The following TRAPPC13 variants were observed in gnomAD, a reference collection of about 807,000 sequenced individuals.
The protein encoded by TRAPPC13 is trafficking protein particle complex subunit 13.
In TRAPPC13, 39 loss-of-function variants were observed where a neutral mutation model predicts 54.0. That is an observed-to-expected ratio of 0.72 (90% CI 0.56 to 0.94). The LOEUF is 0.94. Among genes scored for constraint, TRAPPC13 ranks in the 40% least tolerant of loss-of-function variants. The pLI, the probability that TRAPPC13 is intolerant of heterozygous loss-of-function variation, is 0.00. For missense variants in TRAPPC13, 386 were observed against 488.1 expected, an observed-to-expected ratio of 0.79 and a Z score of 1.97; for synonymous variants, 148 against 167.7, an observed-to-expected ratio of 0.88 and a Z score of 0.91.
At chr5:65,652,646 C>A (rs776967299) in intron 7 of TRAPPC13, 101 bp downstream of exon 7, 1 of 848,612 alleles carries the variant, frequency 1.2e-6, no homozygotes, top group Non-Finnish European at 2.1e-6. Flanking sequence ...AAATCGCCAA[C>A]GTGACTGTAA....
intron 4 of TRAPPC13, among the ~76,000 whole-genome samples, chr5:65,643,741 C>T (rs376515845): frequency 2.0e-5 from 3 of 147,774 alleles, no homozygotes; most frequent in Non-Finnish European, 3.0e-5. Flanking sequence ...GGCGTGAACC[C>T]GGGAGGCAGA....
At position 65,635,455 on chromosome 5, in the gene TRAPPC13, G is replaced by A. The variant is rs1490966621; in HGVS notation, c.115+86G>A. On this transcript the variant is annotated intron_variant, in intron 2 of 12. Coordinates refer to ENST00000399438, the MANE Select transcript of TRAPPC13 (RefSeq NM_024941.4). ...ATTACCTTGGACTAAGCCTAGCCCT[G>A]TAAATTTTATGCTAACCATTTGCTG... The A allele has an allele frequency of 4.6e-6, 5 of 1,078,316 alleles. No individual in the cohort carries two copies. The Admixed American group carries it at 1.1e-4, about 24-fold the overall frequency. 66.8% of individuals were successfully genotyped at this position (1,078,316 alleles called of 1,614,324 possible). A position where few individuals can be genotyped will look rare whatever the true frequency, so the allele number is the denominator to read the frequency against.
chr5:65,630,323 G>A (rs1755479185), intron 1 of TRAPPC13: 1 of 1,515,140 alleles, frequency 6.6e-7, no homozygotes, highest in Admixed American at 2.0e-5. Flanking sequence ...TAAATATGGT[G>A]TTATTTTTAG....
At position 65,665,252 on chromosome 5, in the gene TRAPPC13, T is replaced by TAGA. The variant is rs1756999499; in HGVS notation, c.*645_*647dup. ...AGGGTATAGTTGGCTGACCTCAATC[T>TAGA]AGAAGATAGAGTTGTTTCTTAGAAC... is the stretch of plus-strand genomic sequence containing the variant. On this transcript the variant is annotated 3_prime_UTR_variant, in exon 13 of 13. Transcript: ENST00000399438. 6.6e-6 allele frequency: 1 copy of TAGA among 152,196 alleles called. No homozygotes were observed. Among genetic ancestry groups the TAGA allele is most frequent in the Non-Finnish European group, 1.5e-5 (1 of 68,034 alleles). 9.4% of individuals were successfully genotyped at this position (152,196 alleles called of 1,614,324 possible).
chr5:65,635,408 G>A, intron 2 of TRAPPC13, 39 bp downstream of exon 2: 1 of 1,547,438 alleles, frequency 6.5e-7, no homozygotes, highest in Non-Finnish European at 8.9e-7. Flanking sequence ...CCTAGGGAAA[G>A]GTTGAAACCT....
chr5:65,653,735 C>T (rs1756556962), intron 7 of TRAPPC13, among the ~76,000 whole-genome samples: 1 of 152,098 alleles, frequency 6.6e-6, no homozygotes, highest in Admixed American at 6.5e-5. Context: ...CATGAAGTAT[C>T]AAGTACATAG....
chr5:65,630,380 A>G, intron 1 of TRAPPC13: 6 of 1,440,754 alleles, frequency 4.2e-6, no homozygotes, highest in Non-Finnish European at 5.4e-6. Context: ...TCTGAATGAA[A>G]TGAATATGGA....
intron 7 of TRAPPC13, 58 bp from the exon 8 acceptor site, chr5:65,655,578 T>TG: frequency 1.7e-6 from 1 of 604,084 alleles, no homozygotes; most frequent in Non-Finnish European, 2.4e-6. Flanking sequence ...AAGTAATTCT[T>TG]TTTTCTTTAA....
At chr5:65,635,884 T>C in intron 2 of TRAPPC13, 60 bp from the exon 3 acceptor site, 1 of 1,033,464 alleles carries the variant, frequency 9.7e-7, no homozygotes, top group Non-Finnish European at 1.4e-6. Flanking sequence ...TATTTCTTTA[T>C]ATAAGTAAAA....
In TRAPPC13 at chr5:65,625,099, G is replaced by A; in HGVS notation, c.39G>A (p.Ala13=). The A allele has an allele frequency of 1.2e-6, 2 of 1,613,486 alleles. No homozygotes were observed. Among genetic ancestry groups the A allele is most frequent in the Non-Finnish European group, 1.7e-6 (2 of 1,179,496 alleles). Residue 13 remains alanine, a synonymous_variant, in exon 1 of 13, where the codon GCG becomes GCA. Coordinates refer to ENST00000399438, the MANE Select transcript of TRAPPC13 (RefSeq NM_024941.4). ...VNPPKQEHLL[A]LKVMRLTKPT... Reference sequence around the variant, plus strand: ...CCCCTAAACAGGAGCACCTGCTGGCGCTAAAAGGTAAACTTTTGCGAACCT... The same window carrying A: ...CCCCTAAACAGGAGCACCTGCTGGCACTAAAAGGTAAACTTTTGCGAACCT...
In TRAPPC13 at chr5:65,643,635, G is replaced by A. The variant is rs1020279509; in HGVS notation, c.301-3420G>A. Among the ~76,000 whole-genome samples the A allele has an allele frequency of 4.6e-5, 7 of 151,792 alleles. No individual in the cohort carries two copies. In the East Asian group the frequency reaches 5.8e-4, roughly 13 times the overall value. On this transcript the variant is annotated intron_variant, in intron 4 of 12. Coordinates refer to ENST00000399438, the MANE Select transcript of TRAPPC13 (RefSeq NM_024941.4). ...AGATCAAGACCATCCTGGCTAACACGGTGAAACCCTGTGTCTACTAAAAAT... is the reference window on the plus strand; with the variant it reads ...AGATCAAGACCATCCTGGCTAACACAGTGAAACCCTGTGTCTACTAAAAAT...
Position 65,666,114 on chromosome 5 carries a change from A to C in TRAPPC13, c.*1503A>C, listed in dbSNP as rs1317545786. 6.6e-6 allele frequency: 1 copy of C among 152,588 alleles called. No homozygotes were observed. The highest frequency in any genetic ancestry group is 2.4e-5 in the African/African-American group (1 of 41,460). 9.5% of individuals were successfully genotyped at this position (152,588 alleles called of 1,614,324 possible). On this transcript the variant is annotated 3_prime_UTR_variant, in exon 13 of 13. Coordinates refer to ENST00000399438, the MANE Select transcript of TRAPPC13 (RefSeq NM_024941.4). ...CAAAATGATTAAGATTAAATGATGA[A>C]ATAATATTTTATAGCCACTGCATTG...
intron 1 of TRAPPC13, chr5:65,629,942 A>T: frequency 6.5e-7 from 1 of 1,536,124 alleles, no homozygotes; most frequent in Non-Finnish European, 8.7e-7. Context: ...AAATCTGGGT[A>T]AACAATCAGA....
Position 65,664,250 on chromosome 5 carries a change from G to T in TRAPPC13, c.1012G>T (p.Asp338Tyr). ...KITNCSERTMDLVLEMCNTNS... is the reference protein window; with the variant it reads ...KITNCSERTMYLVLEMCNTNS... ...TTCCTCCAGCAGTGAAAGGACTATG[G>T]ATCTGGTTTTGGAAATGTGCAATAC... The change falls in exon 12 of 13, where the codon GAT (aspartate) becomes TAT (tyrosine). Residue 338 changes from aspartate (D) to tyrosine (Y), a missense_variant. Physicochemically the swap from Asp to Tyr is radical, Grantham distance 160. Coordinates refer to ENST00000399438, the MANE Select transcript of TRAPPC13 (RefSeq NM_024941.4). 6.2e-7 allele frequency: 1 copy of T among 1,613,784 alleles called. No homozygotes were observed. The highest frequency in any genetic ancestry group is 8.5e-7 in the Non-Finnish European group (1 of 1,179,796).
At chr5:65,637,833 T>A (rs1755810278) in intron 4 of TRAPPC13, 53 bp downstream of exon 4, 1 of 1,126,472 alleles carries the variant, frequency 8.9e-7, no homozygotes, top group Non-Finnish European at 1.3e-6. Context: ...AAGGTTTTTT[T>A]TTAGGCCGGG....
chr5:65,626,898 T>A (rs987483447), intron 1 of TRAPPC13, among the ~76,000 whole-genome samples: 3 of 151,826 alleles, frequency 2.0e-5, no homozygotes, highest in African/African-American at 7.3e-5. Flanking sequence ...AATAGCACTT[T>A]GGGAGGCCGA....
chr5:65,658,202 G>A, intron 8 of TRAPPC13, 166 bp from the exon 9 acceptor site: 2 of 579,172 alleles, frequency 3.5e-6, no homozygotes, highest in African/African-American at 1.9e-5. Context: ...ATTATGATAG[G>A]GTGAAGATTT....
chr5:65,663,242 G>A (rs868181739), intron 11 of TRAPPC13: 1 of 151,440 alleles, frequency 6.6e-6, no homozygotes, highest in Non-Finnish European at 1.5e-5. Context: ...TTTAACTTTT[G>A]GTGATTCATA....
At chr5:65,649,853 C>G (rs1280004085) in intron 5 of TRAPPC13, among the ~76,000 whole-genome samples, 1 of 134,252 alleles carries the variant, frequency 7.4e-6, no homozygotes, top group African/African-American at 2.8e-5. Context: ...AGAAATCTAT[C>G]TGTATTTTTT....
Sources: gnomAD v4.1 joint callset for allele counts (sites outside exome capture counted in the v4.1 genomes callset) on GRCh38, gnomAD v4.1.1 for gene constraint, MANE v1.5 for transcripts, NCBI Gene and HGNC (gene_info 2026-07-23, HGNC 2026-07-21) for gene names.